The following VIPR2 variants were observed in gnomAD, a reference collection of about 807,000 sequenced individuals.
VIPR2 encodes vasoactive intestinal peptide receptor 2, also known as vasoactive intestinal polypeptide receptor 2.
Under a neutral mutation model 58.0 loss-of-function variants are expected in VIPR2, and 48 were observed. The observed-to-expected ratio is 0.83, with a 90% CI of 0.66 to 1.05. The LOEUF (loss-of-function observed/expected upper bound fraction) is 1.05. Among genes scored for constraint, VIPR2 ranks in the 50% least tolerant of loss-of-function variants. VIPR2 has a pLI of 0.00. For synonymous variants in VIPR2, 243 were observed against 235.2 expected (o/e 1.03, Z -0.30); for missense variants, 534 against 558.0 (o/e 0.96, Z 0.43).
Position 159,037,455 on chromosome 7 carries a change from A to G in VIPR2, c.598-553T>C, listed in dbSNP as rs535514702. On this transcript the variant is annotated intron_variant, in intron 6 of 12. Transcript: ENST00000262178. ...GGCGCGGCACATGCCAGCTGCCCTC[A>G]CTAGCAGCTCAGGTGAGCAGCGCCT... Among the ~76,000 whole-genome samples, 5 of 152,262 alleles carry G rather than the reference A, an allele frequency of 3.3e-5. No individual in the cohort carries two copies. The South Asian group carries it at 1.0e-3, about 32-fold the overall frequency.
In VIPR2 at chr7:159,053,157, G is replaced by A. The variant is rs191721274; in HGVS notation, c.455+5324C>T. On this transcript the variant is annotated intron_variant, in intron 5 of 12. Transcript: ENST00000262178. ...CTAAGACAGGGTGTCTCACTCTGTCGCCCAGGCTGGTCTCAAACTCCTGGG... is the reference window on the plus strand; with the variant it reads ...CTAAGACAGGGTGTCTCACTCTGTCACCCAGGCTGGTCTCAAACTCCTGGG... Among the ~76,000 whole-genome samples, 720 of 151,628 alleles carry A rather than the reference G, an allele frequency of 4.7e-3. 6 individuals carry two copies. Among genetic ancestry groups the A allele is most frequent in the African/African-American group, 0.016 (666 of 41,310 alleles).
At chr7:159,037,005 C>G in intron 6 of VIPR2, 103 bp from the exon 7 acceptor site, 1 of 1,367,864 alleles carries the variant, frequency 7.3e-7, no homozygotes. Context: ...GGTATCTGTG[C>G]AAGGAAGGAG....
chr7:159,106,387 G>C (rs1173296278), intron 3 of VIPR2, among the ~76,000 whole-genome samples: 1 of 152,238 alleles, frequency 6.6e-6, no homozygotes, highest in Non-Finnish European at 1.5e-5. Flanking sequence ...CCTGCAGAGA[G>C]ATCAGGGAGG....
chr7:159,135,483 T>C (rs1453578534), intron 2 of VIPR2, among the ~76,000 whole-genome samples: 1 of 152,098 alleles, frequency 6.6e-6, no homozygotes, highest in Non-Finnish European at 1.5e-5. Flanking sequence ...AAGTTCTTTA[T>C]TACAATCTGG....
intron 2 of VIPR2, among the ~76,000 whole-genome samples, chr7:159,118,403 T>C (rs867738783): frequency 2.4e-4 from 37 of 152,176 alleles, no homozygotes; most frequent in Admixed American, 2.0e-4. Flanking sequence ...GTCAGCCTGG[T>C]CCATCTCAGG....
At position 159,130,475 on chromosome 7, in the gene VIPR2, C is replaced by T. The variant is rs557946862; in HGVS notation, c.151+11971G>A. ...GATATCTTTTCAGGGTTCTGCATGT[C>T]TGACACCATGGCTCCACCTGGACCG... On this transcript the variant is annotated intron_variant, in intron 2 of 12. Transcript: ENST00000262178. 7.7e-4 allele frequency among the ~76,000 whole-genome samples: 117 copies of T among 151,986 alleles called. 1 individual carries two copies. Among genetic ancestry groups the T allele is most frequent in the Non-Finnish European group, 1.1e-3 (78 of 68,018 alleles).
chr7:159,113,376 G>A (rs898287743), intron 2 of VIPR2, among the ~76,000 whole-genome samples: 2 of 152,284 alleles, frequency 1.3e-5, no homozygotes, highest in Admixed American at 6.5e-5. Context: ...ACCCTTTCAT[G>A]TGAAACCCTT....
chr7:159,066,721 C>T (rs552971351), intron 4 of VIPR2, among the ~76,000 whole-genome samples: 2 of 152,362 alleles, frequency 1.3e-5, no homozygotes, highest in South Asian at 2.1e-4. Context: ...GCAAGTTTCC[C>T]TATGCTCATT....
chr7:159,071,891 C>T (rs1188214496), intron 4 of VIPR2, among the ~76,000 whole-genome samples: 1 of 149,986 alleles, frequency 6.7e-6, no homozygotes, highest in Admixed American at 6.6e-5. Context: ...TGGATGAAGG[C>T]ACGATGGTAC....
intron 4 of VIPR2, among the ~76,000 whole-genome samples, chr7:159,072,115 C>T (rs951538274): frequency 3.4e-5 from 5 of 147,358 alleles, no homozygotes; most frequent in South Asian, 4.3e-4. Flanking sequence ...ACGATGGTAC[C>T]GGCAGGTAAG....
intron 2 of VIPR2, chr7:159,117,316 A>G: frequency 1.4e-6 from 1 of 717,490 alleles, no homozygotes; most frequent in Non-Finnish European, 2.6e-6. Context: ...TAATTATAAA[A>G]GCACTGGTCA....
intron 2 of VIPR2, among the ~76,000 whole-genome samples, chr7:159,125,191 G>C (rs1320662934): frequency 6.6e-6 from 1 of 152,208 alleles, no homozygotes; most frequent in African/African-American, 2.4e-5. Flanking sequence ...AGTGGTGAGA[G>C]AGGGCATCTA....
chr7:159,142,768 T>TA (rs1797525623), intron 1 of VIPR2, among the ~76,000 whole-genome samples: 1 of 152,002 alleles, frequency 6.6e-6, no homozygotes, highest in East Asian at 1.9e-4. Flanking sequence ...AATAGAATTT[T>TA]TTTTCTGAGC....
intron 10 of VIPR2, among the ~76,000 whole-genome samples, chr7:159,032,623 G>A (rs1278627760): frequency 6.6e-6 from 1 of 152,142 alleles, no homozygotes; most frequent in Non-Finnish European, 1.5e-5. Context: ...GCCTATCTGC[G>A]GCTGAGCTCT....
chr7:159,124,179 TG>T (rs1796575034), intron 2 of VIPR2, among the ~76,000 whole-genome samples: 1 of 152,250 alleles, frequency 6.6e-6, no homozygotes, highest in Non-Finnish European at 1.5e-5. Flanking sequence ...TTTTTGCTTT[TG>T]TTGCAATTGC....
intron 2 of VIPR2, chr7:159,117,211 A>G (rs920807436): frequency 4.5e-6 from 3 of 662,950 alleles, no homozygotes; most frequent in Non-Finnish European, 8.4e-6. Context: ...TTTCCCTAGA[A>G]GGTCCCTTGC....
chr7:159,112,524 C>A (rs951465048), intron 2 of VIPR2, among the ~76,000 whole-genome samples: 5 of 152,252 alleles, frequency 3.3e-5, no homozygotes, highest in African/African-American at 1.2e-4. Context: ...GATGTCACTA[C>A]AGCCTTGCAG....
At position 159,130,477 on chromosome 7, in the gene VIPR2, G is replaced by C. The variant is rs1237021577; in HGVS notation, c.151+11969C>G. On this transcript the variant is annotated intron_variant, in intron 2 of 12. Transcript: ENST00000262178. ...TATCTTTTCAGGGTTCTGCATGTCT[G>C]ACACCATGGCTCCACCTGGACCGGC... Among the ~76,000 whole-genome samples the C allele has an allele frequency of 2.0e-5, 3 of 151,644 alleles. No individual in the cohort carries two copies. In the East Asian group the frequency reaches 5.8e-4, roughly 29 times the overall value.
At chr7:159,047,733 C>A (rs893018967) in intron 5 of VIPR2, among the ~76,000 whole-genome samples, 2 of 152,130 alleles carry the variant, frequency 1.3e-5, no homozygotes, top group Non-Finnish European at 2.9e-5. Context: ...CTTTGAATCG[C>A]TGAGCGTTTA....
Sources: gnomAD v4.1 joint callset for allele counts (sites outside exome capture counted in the v4.1 genomes callset) on GRCh38, gnomAD v4.1.1 for gene constraint, MANE v1.5 for transcripts, NCBI Gene and HGNC (gene_info 2026-07-23, HGNC 2026-07-21) for gene names.